The following FHIT variants were observed in gnomAD, a reference collection of about 807,000 sequenced individuals.
The protein encoded by FHIT is fragile histidine triad diadenosine triphosphatase.
Under a neutral mutation model 17.9 loss-of-function variants are expected in FHIT, and 19 were observed. That is an observed-to-expected ratio of 1.06 (90% CI 0.74 to 1.56). The LOEUF is 1.56. FHIT is among the 40% of genes most tolerant of loss of function. FHIT has a pLI of 0.00. For synonymous variants in FHIT, 81 were observed against 69.7 expected (o/e 1.16, Z -0.81); for missense variants, 248 against 189.2 (o/e 1.31, Z -1.82).
intron 8 of FHIT, among the ~76,000 whole-genome samples, chr3:59,808,819 C>T (rs1700302817): frequency 1.3e-5 from 2 of 152,076 alleles, no homozygotes; most frequent in South Asian, 2.1e-4. Flanking sequence ...AAAGGGACTG[C>T]GGGGTAGAAA....
intron 5 of FHIT, among the ~76,000 whole-genome samples, chr3:60,277,976 T>G (rs1026842963): frequency 2.0e-5 from 3 of 152,192 alleles, no homozygotes; most frequent in Non-Finnish European, 4.4e-5. Context: ...AGCAGAGAAC[T>G]GAGGTCCAAA....
chr3:59,988,729 C>A (rs1230338227), intron 7 of FHIT, among the ~76,000 whole-genome samples: 1 of 152,068 alleles, frequency 6.6e-6, no homozygotes, highest in African/African-American at 2.4e-5. Context: ...CCCGAAGGAT[C>A]AAGGACGACT....
At chr3:60,864,827 T>C (rs1008346547) in intron 3 of FHIT, among the ~76,000 whole-genome samples, 1 of 152,130 alleles carries the variant, frequency 6.6e-6, no homozygotes, top group Non-Finnish European at 1.5e-5. Flanking sequence ...ATGACACTTA[T>C]TAATACAACT....
At chr3:60,955,605 T>TATATATATATATATATATATATATATAC (rs1709083823) in intron 3 of FHIT, among the ~76,000 whole-genome samples, 1 of 85,608 alleles carries the variant, frequency 1.2e-5, no homozygotes, top group African/African-American at 4.9e-5. Flanking sequence ...TACATATATA[T>TATATATATATATATATATATATATATAC]ATATATATAT....
intron 8 of FHIT, among the ~76,000 whole-genome samples, chr3:59,908,158 T>C (rs1490141377): frequency 6.6e-6 from 1 of 152,252 alleles, no homozygotes; most frequent in Non-Finnish European, 1.5e-5. Context: ...GGCTATTATT[T>C]GGTCTTCCAC....
intron 3 of FHIT, among the ~76,000 whole-genome samples, chr3:60,925,817 C>G (rs193048094): frequency 6.6e-6 from 1 of 152,270 alleles, no homozygotes; most frequent in African/African-American, 2.4e-5. Context: ...AGACCCATCT[C>G]ACATGCAGAG....
chr3:60,634,205 C>A (rs1268271771), intron 4 of FHIT, among the ~76,000 whole-genome samples: 1 of 152,078 alleles, frequency 6.6e-6, no homozygotes, highest in Non-Finnish European at 1.5e-5. Flanking sequence ...TTCACATGTG[C>A]CTAGATAGAT....
chr3:60,084,442 G>C (rs919257730), intron 5 of FHIT, among the ~76,000 whole-genome samples: 29 of 152,114 alleles, frequency 1.9e-4, no homozygotes, highest in African/African-American at 6.8e-4. Flanking sequence ...CTTTGGGCCA[G>C]ACCCTACGCT....
At chr3:60,677,507 T>C (rs1270603318) in intron 4 of FHIT, among the ~76,000 whole-genome samples, 2 of 152,224 alleles carry the variant, frequency 1.3e-5, no homozygotes, top group African/African-American at 2.4e-5. Flanking sequence ...TGTGGCTGAA[T>C]AGTATTCTAT....
At chr3:60,075,940 A>C (rs1262682142) in intron 5 of FHIT, among the ~76,000 whole-genome samples, 3 of 152,124 alleles carry the variant, frequency 2.0e-5, no homozygotes, top group African/African-American at 7.2e-5. Context: ...AAAGTACCTT[A>C]TTAAACAAGA....
chr3:59,968,104 T>C (rs772010435), intron 7 of FHIT, among the ~76,000 whole-genome samples: 1 of 152,094 alleles, frequency 6.6e-6, no homozygotes, highest in Non-Finnish European at 1.5e-5. Context: ...GGAGGAACAC[T>C]GATGTAAAGA....
At chr3:59,750,731 A>ATACTC (rs1357683407) in intron 9 of FHIT, 1 of 212,880 alleles carries the variant, frequency 4.7e-6, no homozygotes, top group Non-Finnish European at 9.5e-6. Flanking sequence ...ACTATTTAGA[A>ATACTC]TACTCTAAAA....
At chr3:60,440,387 T>A (rs2107325619) in intron 5 of FHIT, among the ~76,000 whole-genome samples, 1 of 152,204 alleles carries the variant, frequency 6.6e-6, no homozygotes, top group African/African-American at 2.4e-5. Flanking sequence ...CACAGTGCCA[T>A]TCTAATTTTG....
intron 3 of FHIT, among the ~76,000 whole-genome samples, chr3:60,951,216 G>C (rs1708871585): frequency 6.6e-6 from 1 of 152,158 alleles, no homozygotes; most frequent in African/African-American, 2.4e-5. Flanking sequence ...TTCTTCAAGA[G>C]AAATCTAGAG....
chr3:59,944,399 C>T (rs1031487093), intron 7 of FHIT, among the ~76,000 whole-genome samples: 1 of 152,158 alleles, frequency 6.6e-6, no homozygotes, highest in African/African-American at 2.4e-5. Context: ...CCTTCTCCTC[C>T]ATCCATTACA....
chr3:60,277,407 T>G (rs1707201265), intron 5 of FHIT, among the ~76,000 whole-genome samples: 1 of 152,222 alleles, frequency 6.6e-6, no homozygotes, highest in African/African-American at 2.4e-5. Flanking sequence ...AGCTGGAAGC[T>G]TGCAATGGAT....
intron 4 of FHIT, chr3:60,730,469 C>A: frequency 4.6e-6 from 1 of 218,248 alleles, no homozygotes; most frequent in South Asian, 9.4e-5. Context: ...TTCTTAGGTC[C>A]TGTAATCTCC....
At chr3:60,668,922 G>A (rs2040445465) in intron 4 of FHIT, among the ~76,000 whole-genome samples, 1 of 152,128 alleles carries the variant, frequency 6.6e-6, no homozygotes, top group African/African-American at 2.4e-5. Flanking sequence ...AGAGTTGGTA[G>A]TTGTTCTTAG....
chr3:60,350,057 TGTAA>T (rs1711007750), intron 5 of FHIT, among the ~76,000 whole-genome samples: 1 of 152,214 alleles, frequency 6.6e-6, no homozygotes, highest in African/African-American at 2.4e-5. Context: ...CCAGAAATGC[TGTAA>T]GTAATGACTA....
Sources: allele counts gnomAD v4.1 joint callset (sites outside exome capture counted in the v4.1 genomes callset), GRCh38; gene constraint gnomAD v4.1.1; transcripts MANE v1.5; gene names NCBI Gene and HGNC (gene_info 2026-07-23, HGNC 2026-07-21).